RAD51B: variants seen among roughly 807,000 people sequenced by gnomAD.
The protein encoded by RAD51B is RAD51 paralog B.
In RAD51B, 38 loss-of-function variants were observed where a neutral mutation model predicts 42.2. The observed-to-expected ratio is 0.90, with a 90% CI of 0.70 to 1.18. RAD51B has a LOEUF of 1.18. Among genes scored for constraint, RAD51B ranks in the 50% most tolerant of loss-of-function variants. The pLI is 0.00. For missense variants in RAD51B, 373 were observed against 400.7 expected, an observed-to-expected ratio of 0.93 and a Z score of 0.59; for synonymous variants, 154 against 145.2, an observed-to-expected ratio of 1.06 and a Z score of -0.43.
intron 7 of RAD51B, among the ~76,000 whole-genome samples, chr14:67,951,644 A>T (rs1434018610): frequency 1.3e-5 from 2 of 152,118 alleles, no homozygotes; most frequent in Admixed American, 1.3e-4. Flanking sequence ...AATAGGTGAA[A>T]GTTCAGGTTT....
chr14:68,384,479 C>T (rs1594759473), intron 8 of RAD51B, among the ~76,000 whole-genome samples: 1 of 152,284 alleles, frequency 6.6e-6, no homozygotes, highest in African/African-American at 2.4e-5. Flanking sequence ...AGGCACAGGG[C>T]AGTAGATAAT....
intron 10 of RAD51B, among the ~76,000 whole-genome samples, chr14:68,592,968 G>A (rs1283021167): frequency 3.3e-5 from 5 of 152,228 alleles, no homozygotes; most frequent in Non-Finnish European, 2.9e-5. Flanking sequence ...AACTTGAAAT[G>A]AGGGACCTTG....
At chr14:68,433,796 G>C (rs1361025253) in intron 9 of RAD51B, among the ~76,000 whole-genome samples, 5 of 152,252 alleles carry the variant, frequency 3.3e-5, no homozygotes, top group Non-Finnish European at 5.9e-5. Context: ...GCGAGGAGCT[G>C]CGTTCCTTTG....
At chr14:68,054,417 AT>A (rs1403891089) in intron 7 of RAD51B, among the ~76,000 whole-genome samples, 2 of 152,172 alleles carry the variant, frequency 1.3e-5, no homozygotes, top group Non-Finnish European at 2.9e-5. Context: ...CAGAATTGAT[AT>A]TTTGTTTTTA....
chr14:67,823,685 T>C, intron 2 of RAD51B, 58 bp downstream of exon 2: 1 of 1,240,294 alleles, frequency 8.1e-7, no homozygotes, highest in Non-Finnish European at 1.1e-6. Context: ...ACTTTATACC[T>C]TAATACCTCT....
At chr14:68,654,184 A>G (rs1214567954) in intron 11 of RAD51B, among the ~76,000 whole-genome samples, 1 of 152,254 alleles carries the variant, frequency 6.6e-6, no homozygotes, top group South Asian at 2.1e-4. Context: ...TTTCTGAGGC[A>G]GAACGTGCAG....
At chr14:68,451,198 T>C (rs1420202319) in intron 9 of RAD51B, among the ~76,000 whole-genome samples, 1 of 152,208 alleles carries the variant, frequency 6.6e-6, no homozygotes, top group Non-Finnish European at 1.5e-5. Context: ...TTTAAACTCC[T>C]TATATATCCA....
intron 7 of RAD51B, among the ~76,000 whole-genome samples, chr14:68,123,191 C>CT (rs541886088): frequency 0.036 from 4,573 of 125,462 alleles, 109 homozygotes; most frequent in African/African-American, 0.049. Flanking sequence ...TTCTTTCTTT[C>CT]TTTTTTTTTT....
chr14:68,105,548 T>C (rs1027699242), intron 7 of RAD51B, among the ~76,000 whole-genome samples: 2 of 151,870 alleles, frequency 1.3e-5, no homozygotes, highest in African/African-American at 2.4e-5. Context: ...TGTTTGCTTG[T>C]TTTTTACTAA....
chr14:68,549,007 G>A (rs1269007834), intron 10 of RAD51B, among the ~76,000 whole-genome samples: 4 of 152,290 alleles, frequency 2.6e-5, no homozygotes, highest in Non-Finnish European at 5.9e-5. Flanking sequence ...ACCCCTGAGT[G>A]GGTAGGGGTG....
intron 7 of RAD51B, among the ~76,000 whole-genome samples, chr14:67,952,766 T>A (rs2074478273): frequency 6.6e-6 from 1 of 152,124 alleles, no homozygotes; most frequent in Non-Finnish European, 1.5e-5. Context: ...GTTGAAAATA[T>A]TAGTATCTAA....
intron 9 of RAD51B, among the ~76,000 whole-genome samples, chr14:68,424,608 G>A (rs9323510): frequency 0.85 from 130,053 of 152,174 alleles, 55,927 homozygotes; most frequent in East Asian, 0.97. Flanking sequence ...TTGTGACTCC[G>A]TTCTGACACT....
chr14:68,080,964 A>G (rs1486549234), intron 7 of RAD51B, among the ~76,000 whole-genome samples: 1 of 152,220 alleles, frequency 6.6e-6, no homozygotes, highest in Non-Finnish European at 1.5e-5. Flanking sequence ...CTAACAATTT[A>G]TAAGGTTGTG....
intron 7 of RAD51B, among the ~76,000 whole-genome samples, chr14:67,934,444 C>T (rs753662910): frequency 6.6e-5 from 10 of 152,084 alleles, no homozygotes; most frequent in Non-Finnish European, 1.2e-4. Flanking sequence ...GTATTTATGG[C>T]ATTTGTTGCT....
chr14:68,199,193 A>G (rs1164306669), intron 7 of RAD51B, among the ~76,000 whole-genome samples: 1 of 152,182 alleles, frequency 6.6e-6, no homozygotes, highest in Admixed American at 6.5e-5. Context: ...TGGCATCCAG[A>G]ATAGAAGCAA....
chr14:68,012,483 C>G (rs541806511), intron 7 of RAD51B, among the ~76,000 whole-genome samples: 1 of 151,998 alleles, frequency 6.6e-6, no homozygotes, highest in South Asian at 2.1e-4. Context: ...CCCTCAAAGT[C>G]TAAAATATTT....
intron 7 of RAD51B, among the ~76,000 whole-genome samples, chr14:68,078,981 AC>A (rs2076875497): frequency 6.6e-6 from 1 of 152,116 alleles, no homozygotes; most frequent in African/African-American, 2.4e-5. Context: ...TAGAGCCAAG[AC>A]CCTATCTCTA....
chr14:68,228,553 T>A (rs1013082191), intron 7 of RAD51B, among the ~76,000 whole-genome samples: 7 of 152,176 alleles, frequency 4.6e-5, no homozygotes, highest in Non-Finnish European at 1.0e-4. Flanking sequence ...GATTTTTTTT[T>A]AAAAGAACTT....
chr14:68,202,126 A>G (rs770839587), intron 7 of RAD51B, among the ~76,000 whole-genome samples: 6 of 152,234 alleles, frequency 3.9e-5, no homozygotes, highest in Non-Finnish European at 7.3e-5. Flanking sequence ...TAAAAAACCA[A>G]TGTATATACT....
Sources: gnomAD v4.1 joint callset for allele counts (sites outside exome capture counted in the v4.1 genomes callset) on GRCh38, gnomAD v4.1.1 for gene constraint, MANE v1.5 for transcripts, NCBI Gene and HGNC (gene_info 2026-07-23, HGNC 2026-07-21) for gene names.